The following DENND2A variants were observed in gnomAD, a reference collection of about 807,000 sequenced individuals.
The protein encoded by DENND2A is DENN domain-containing protein 2A.
DENND2A carries 53 observed loss-of-function variants against 105.3 expected under a neutral mutation model. The observed-to-expected ratio is 0.50, with a 90% CI of 0.40 to 0.63. DENND2A has a LOEUF of 0.63. Among genes scored for constraint, DENND2A ranks in the 30% least tolerant of loss-of-function variants. The pLI, the probability that DENND2A is intolerant of heterozygous loss-of-function variation, is 0.00. For missense variants in DENND2A, 1,138 were observed against 1,279.6 expected, an observed-to-expected ratio of 0.89 and a Z score of 1.69; for synonymous variants, 522 against 508.4, an observed-to-expected ratio of 1.03 and a Z score of -0.36.
chr7:140,559,959 C>T lies in DENND2A; in HGVS notation c.1780-142G>A, dbSNP rs1476098643. 1 of 698,644 alleles carries T rather than the reference C, an allele frequency of 1.4e-6. No individual in the cohort carries two copies. Among genetic ancestry groups the T allele is most frequent in the Non-Finnish European group, 2.6e-6 (1 of 390,832 alleles). The allele number at this position is 698,644 out of a possible 1,614,324, so 43.3% of individuals were successfully genotyped here. Reference sequence around the variant, plus strand: ...CTCTTCCCTTGGGAAGAGCTTGCAGCTCAGTCGGCTGGGGCATTTTCCCCC... The same window carrying T: ...CTCTTCCCTTGGGAAGAGCTTGCAGTTCAGTCGGCTGGGGCATTTTCCCCC... On this transcript the variant is annotated intron_variant, in intron 9 of 19. Transcript: ENST00000496613. The surrounding 1 kb of genome is among the most constrained non-coding windows in gnomAD (Gnocchi z 4.1).
At chr7:140,627,014 A>G (rs1800557697) in intron 1 of DENND2A, among the ~76,000 whole-genome samples, 1 of 152,170 alleles carries the variant, frequency 6.6e-6, no homozygotes. Flanking sequence ...AAATGGTGAT[A>G]ATGGTAGCAC....
At chr7:140,548,964 A>G (rs183850826) in intron 12 of DENND2A, among the ~76,000 whole-genome samples, 411 of 151,848 alleles carry the variant, frequency 2.7e-3, no homozygotes, top group Non-Finnish European at 4.8e-3. Context: ...CCCACCTGTA[A>G]TCCCAACATT....
chr7:140,529,006 G>C lies in DENND2A; in HGVS notation c.2328-1511C>G, dbSNP rs542147843. The stretch of plus-strand genomic sequence containing the variant: ...TGTAATCCCAGCTACTTAGGAGGTT[G>C]AGGTGGGAGAACTGCTTGAACCTGG... On this transcript the variant is annotated intron_variant, in intron 14 of 19. Coordinates refer to ENST00000496613, the MANE Select transcript of DENND2A (RefSeq NM_015689.5). Among the ~76,000 whole-genome samples, 4 of 152,090 alleles carry C rather than the reference G, an allele frequency of 2.6e-5. No individual in the cohort carries two copies. In the East Asian group the frequency reaches 7.8e-4, roughly 29 times the overall value.
Position 140,544,736 on chromosome 7 carries a change from G to A in DENND2A, c.2209C>T (p.Arg737Trp), listed in dbSNP as rs766117690. The A allele has an allele frequency of 8.1e-6, 13 of 1,600,810 alleles. No homozygotes were observed. Among genetic ancestry groups the A allele is most frequent in the Admixed American group, 3.5e-5 (2 of 56,816 alleles). ...VIELCRPLDS[R>W]LEHVDFESLF... ...GACTCAAAGTCCACGTGCTCGAGCC[G>A]GGAGTCCAGCGGGCGGCACAGTTCG... The change falls in exon 14 of 20, where the codon CGG becomes TGG. Residue 737 changes from arginine (R) to tryptophan (W), a missense_variant. Around this residue, in one of 2 missense-constraint regions of DENND2A, gnomAD observed 627 missense variants for 779.8 expected, o/e 0.80. Coordinates refer to ENST00000496613, the MANE Select transcript of DENND2A (RefSeq NM_015689.5).
chr7:140,568,236 G>A (rs894566071), intron 8 of DENND2A, among the ~76,000 whole-genome samples: 4 of 152,132 alleles, frequency 2.6e-5, no homozygotes, highest in Admixed American at 6.5e-5. Context: ...CACCAAGCCC[G>A]GCCCCTGGAC....
intron 12 of DENND2A, 79 bp downstream of exon 12, chr7:140,555,557 G>A: frequency 8.0e-7 from 1 of 1,257,002 alleles, no homozygotes; most frequent in Non-Finnish European, 1.1e-6. Context: ...GAAGGCCCAG[G>A]ACATGGGGGT....
At chr7:140,519,836 T>A in intron 18 of DENND2A, 118 bp from the exon 19 acceptor site, 1 of 876,928 alleles carries the variant, frequency 1.1e-6, no homozygotes, top group Non-Finnish European at 1.9e-6. Context: ...GCTGCTCCTA[T>A]AAACATGCTC....
intron 10 of DENND2A, among the ~76,000 whole-genome samples, chr7:140,558,806 C>CT (rs34152911): frequency 0.91 from 128,348 of 141,068 alleles, 58,379 homozygotes; most frequent in East Asian, 0.98. Flanking sequence ...GTCATTTTCT[C>CT]TTTTTTTTTT....
chr7:140,602,815 A>AT (rs1322986952), intron 2 of DENND2A, among the ~76,000 whole-genome samples: 1 of 151,870 alleles, frequency 6.6e-6, no homozygotes, highest in Non-Finnish European at 1.5e-5. Context: ...CTCTACAAAA[A>AT]TTTTTTTTAA....
At chr7:140,590,560 C>G (rs1408213396) in intron 3 of DENND2A, among the ~76,000 whole-genome samples, 1 of 151,846 alleles carries the variant, frequency 6.6e-6, no homozygotes, top group African/African-American at 2.4e-5. Flanking sequence ...TTTCCAAGAA[C>G]AAGATGCTAA....
intron 11 of DENND2A, among the ~76,000 whole-genome samples, chr7:140,557,532 T>TATATATATA (rs71173208): frequency 1.4e-4 from 2 of 14,286 alleles, no homozygotes; most frequent in Admixed American, 1.9e-3. Flanking sequence ...TATATATATA[T>TATATATATA]TTTTTTTTTT....
intron 4 of DENND2A, 64 bp downstream of exon 4, chr7:140,587,589 C>T (rs1273991350): frequency 8.1e-6 from 13 of 1,604,192 alleles, no homozygotes; most frequent in African/African-American, 1.3e-5. Context: ...GCAGCCAGCC[C>T]CATTCTCCCT....
intron 11 of DENND2A, among the ~76,000 whole-genome samples, 186 bp from the exon 12 acceptor site, chr7:140,555,899 C>A (rs773478425): frequency 2.0e-4 from 30 of 152,032 alleles, no homozygotes; most frequent in Non-Finnish European, 2.8e-4. Context: ...TGTTTTGTAT[C>A]CCTATATGTT....
intron 2 of DENND2A, among the ~76,000 whole-genome samples, chr7:140,605,001 CA>C (rs1192068361): frequency 6.6e-6 from 1 of 152,206 alleles, no homozygotes; most frequent in East Asian, 1.9e-4. Context: ...AGCCCAAACA[CA>C]TGGAGTGACT....
At chr7:140,593,776 G>T (rs552098240) in intron 3 of DENND2A, among the ~76,000 whole-genome samples, 1 of 152,218 alleles carries the variant, frequency 6.6e-6, no homozygotes, top group East Asian at 1.9e-4. Flanking sequence ...AGTCCCCGAG[G>T]CAGCTACACC....
At chr7:140,556,404 T>A (rs1363368897) in intron 11 of DENND2A, among the ~76,000 whole-genome samples, 1 of 152,104 alleles carries the variant, frequency 6.6e-6, no homozygotes, top group African/African-American at 2.4e-5. Flanking sequence ...AGCGACGCGA[T>A]CTCAGCTCAC....
chr7:140,540,154 A>C (rs1457010308), intron 14 of DENND2A, among the ~76,000 whole-genome samples: 1 of 152,234 alleles, frequency 6.6e-6, no homozygotes, highest in Non-Finnish European at 1.5e-5. Context: ...ACACTCGCAC[A>C]CCATTACTGT....
At chr7:140,596,762 T>G (rs1799300586) in intron 3 of DENND2A, among the ~76,000 whole-genome samples, 1 of 152,190 alleles carries the variant, frequency 6.6e-6, no homozygotes, top group Admixed American at 6.5e-5. Flanking sequence ...AAACTAAAAT[T>G]TAAAAATCTG....
At chr7:140,626,845 C>A (rs1247283221) in intron 1 of DENND2A, among the ~76,000 whole-genome samples, 2 of 152,182 alleles carry the variant, frequency 1.3e-5, no homozygotes, top group Non-Finnish European at 2.9e-5. Context: ...CCTGCAGCTG[C>A]TCCCGGGTTC....
Sources: gnomAD v4.1 joint callset for allele counts (sites outside exome capture counted in the v4.1 genomes callset) on GRCh38, gnomAD v4.1.1 for gene constraint, gnomAD v4.1.1 regional missense constraint, Gnocchi (gnomAD v3.1) non-coding constraint, MANE v1.5 for transcripts, NCBI Gene and HGNC (gene_info 2026-07-23, HGNC 2026-07-21) for gene names.